The following RARB variants were observed in gnomAD, a reference collection of about 807,000 sequenced individuals.
RARB encodes the protein retinoic acid receptor beta.
Under a neutral mutation model 51.9 loss-of-function variants are expected in RARB, and 17 were observed. The ratio of observed to expected loss-of-function variants is 0.33; its 90% confidence interval spans 0.22 to 0.49. RARB has a LOEUF of 0.49. Ranked by LOEUF, RARB falls within the 20% of genes least tolerant of loss-of-function variation. The probability of loss-of-function intolerance (pLI) is 0.99; values close to 1 mark genes in which losing one functional copy is unlikely to be tolerated. For missense variants in RARB, 369 were observed against 550.8 expected, an observed-to-expected ratio of 0.67 and a Z score of 3.30; for synonymous variants, 215 against 195.4, an observed-to-expected ratio of 1.10 and a Z score of -0.84.
intron 2 of RARB, among the ~76,000 whole-genome samples, chr3:24,954,705 T>C (rs1695971196): frequency 2.0e-5 from 3 of 152,008 alleles, no homozygotes; most frequent in South Asian, 4.2e-4. Context: ...GATTTAGTAG[T>C]AGAATTTGGG....
chr3:24,887,735 G>T (rs1391755623), intron 2 of RARB, among the ~76,000 whole-genome samples: 2 of 152,020 alleles, frequency 1.3e-5, no homozygotes, highest in African/African-American at 4.8e-5. Context: ...TTTCCTTTCA[G>T]TATTTGCCTT....
chr3:25,176,370 C>A (rs182333104), intron 5 of RARB, among the ~76,000 whole-genome samples: 5 of 64,782 alleles, frequency 7.7e-5, no homozygotes, highest in African/African-American at 2.6e-4. Context: ...TCCTTCCTTC[C>A]TTCCTTCCTT....
intron 3 of RARB, among the ~76,000 whole-genome samples, chr3:25,081,763 G>T (rs1180956050): frequency 6.8e-6 from 1 of 147,200 alleles, no homozygotes; most frequent in Non-Finnish European, 1.5e-5. Context: ...CTCCTGAGTA[G>T]CTGGGATTAC....
rs929878535 is a variant in RARB, at chr3:25,302,541, C to A, written c.178+127966C>A. Among the ~76,000 whole-genome samples, 3 of 152,112 alleles carry A rather than the reference C, an allele frequency of 2.0e-5. No individual in the cohort carries two copies. In the South Asian group the frequency reaches 6.2e-4, roughly 32 times the overall value. On this transcript the variant is annotated intron_variant, in intron 5 of 11. Transcript: ENST00000383772. ...TATATTGTATGATCCCATTTAGATG[C>A]AATATTCAGAATAGGCTAATGTAAC...
chr3:25,115,394 G>A lies in RARB; in HGVS notation c.-327-16767G>A, dbSNP rs139825031. Reference sequence around the variant, plus strand: ...ACATCTATAACATTCAGTTAGAAAGGAACAGTAACAATTGGGTGAGTGTGT... The same window carrying A: ...ACATCTATAACATTCAGTTAGAAAGAAACAGTAACAATTGGGTGAGTGTGT... On this transcript the variant is annotated intron_variant, in intron 3 of 11. Transcript: ENST00000383772. Among the ~76,000 whole-genome samples the A allele has an allele frequency of 7.6e-4, 116 of 152,246 alleles. 1 individual carries two copies. Among genetic ancestry groups the A allele is most frequent in the Middle Eastern group, 3.4e-3 (1 of 294 alleles).
At chr3:24,997,798 G>A (rs1037360834) in intron 2 of RARB, among the ~76,000 whole-genome samples, 3 of 152,036 alleles carry the variant, frequency 2.0e-5, no homozygotes, top group Admixed American at 6.6e-5. Context: ...CTGTATATAC[G>A]TGTAAAAATG....
intron 2 of RARB, among the ~76,000 whole-genome samples, chr3:24,906,560 T>A (rs1694868151): frequency 6.6e-6 from 1 of 152,116 alleles, no homozygotes; most frequent in Non-Finnish European, 1.5e-5. Context: ...AAAGCTACGC[T>A]GGCTGGGAGT....
intron 5 of RARB, among the ~76,000 whole-genome samples, chr3:25,281,212 G>T (rs1467978577): frequency 6.6e-6 from 1 of 152,158 alleles, no homozygotes; most frequent in African/African-American, 2.4e-5. Flanking sequence ...CAAGAAATTT[G>T]GGAATGGAGC....
At chr3:25,429,432 A>T (rs540416870) in intron 1 of RARB, among the ~76,000 whole-genome samples, 1 of 152,316 alleles carries the variant, frequency 6.6e-6, no homozygotes, top group East Asian at 1.9e-4. Flanking sequence ...CACCAGTTCA[A>T]GCTGCCGCTT....
At chr3:25,233,949 T>C (rs1702244226) in intron 5 of RARB, among the ~76,000 whole-genome samples, 1 of 152,108 alleles carries the variant, frequency 6.6e-6, no homozygotes, top group South Asian at 2.1e-4. Flanking sequence ...GATATATTAT[T>C]CTTTTTACAT....
In RARB at chr3:24,923,460, G is replaced by A. The variant is rs755183728; in HGVS notation, c.-380+64708G>A. Among the ~76,000 whole-genome samples, 11 of 151,790 alleles carry A rather than the reference G, an allele frequency of 7.2e-5. 1 individual carries two copies. The South Asian group carries it at 1.5e-3, about 20-fold the overall frequency. On this transcript the variant is annotated intron_variant, in intron 2 of 11. Coordinates refer to the RARB transcript ENST00000383772. ...GAGATCTACCAATAATTATAGAATC[G>A]TTATTTTAAAACCTTATATAGGCAC...
intron 5 of RARB, among the ~76,000 whole-genome samples, chr3:25,302,391 A>T (rs1278168914): frequency 6.6e-6 from 1 of 152,214 alleles, no homozygotes; most frequent in East Asian, 1.9e-4. Flanking sequence ...GGATAAACAA[A>T]TGTGTTATAT....
At chr3:24,980,473 T>G (rs1463013182) in intron 2 of RARB, among the ~76,000 whole-genome samples, 1 of 152,170 alleles carries the variant, frequency 6.6e-6, no homozygotes, top group Non-Finnish European at 1.5e-5. Flanking sequence ...TTGTTTCTCT[T>G]CTTTCTCTAA....
chr3:25,025,976 A>G (rs1452289924), intron 2 of RARB, among the ~76,000 whole-genome samples: 2 of 152,188 alleles, frequency 1.3e-5, no homozygotes, highest in Non-Finnish European at 2.9e-5. Flanking sequence ...TCAACCTGAT[A>G]GTCTGCAATC....
chr3:25,446,716 T>C lies in RARB; in HGVS notation c.158-14477T>C, dbSNP rs534125562. 2.2e-5 allele frequency among the ~76,000 whole-genome samples: 3 copies of C among 134,482 alleles called. 1 individual carries two copies. The highest frequency in any genetic ancestry group is 1.9e-4 in the Admixed American group (2 of 10,538). The allele number at this position is 134,482 out of a possible 152,430, so 88.2% of individuals were successfully genotyped here. On this transcript the variant is annotated intron_variant, in intron 1 of 7. Coordinates refer to ENST00000330688, the MANE Select transcript of RARB (RefSeq NM_000965.5). ...TACTTGGGAGGCTGAGGCAGGAGAATAGCGTGAACCCGGGAGGCGGAGCTG... is the reference window on the plus strand; with the variant it reads ...TACTTGGGAGGCTGAGGCAGGAGAACAGCGTGAACCCGGGAGGCGGAGCTG...
intron 2 of RARB, among the ~76,000 whole-genome samples, chr3:25,021,454 A>T (rs931049581): frequency 1.3e-5 from 2 of 152,146 alleles, no homozygotes; most frequent in Non-Finnish European, 2.9e-5. Flanking sequence ...TAAAAGCCGT[A>T]AACTCACCAG....
In RARB at chr3:25,142,003, C is replaced by A. The variant is rs1349454126; in HGVS notation, c.-280+9795C>A. 2.0e-5 allele frequency among the ~76,000 whole-genome samples: 3 copies of A among 152,146 alleles called. No individual in the cohort carries two copies. In the East Asian group the frequency reaches 5.8e-4, roughly 29 times the overall value. On this transcript the variant is annotated intron_variant, in intron 4 of 11. Transcript: ENST00000383772. ...GTTATTCCAAGTGTAGTCCTAGGAC[C>A]AGCAGCATCAGTCTCACCTGAGAGC...
chr3:25,337,717 C>T (rs1248684177), intron 5 of RARB, among the ~76,000 whole-genome samples: 2 of 152,096 alleles, frequency 1.3e-5, no homozygotes, highest in African/African-American at 4.8e-5. Flanking sequence ...CACCTCTAAC[C>T]CTTTACCCTG....
chr3:25,104,944 G>A lies in RARB; in HGVS notation c.-327-27217G>A, dbSNP rs936977474. On this transcript the variant is annotated intron_variant, in intron 3 of 11. Coordinates refer to the RARB transcript ENST00000383772. Reference sequence around the variant, plus strand: ...CTGCAAGGGGAGCTCCTGTTTCTTCGTCATGTTCTATTTCTAAATCTGAAT... The same window carrying A: ...CTGCAAGGGGAGCTCCTGTTTCTTCATCATGTTCTATTTCTAAATCTGAAT... 1.2e-4 allele frequency among the ~76,000 whole-genome samples: 18 copies of A among 152,096 alleles called. 1 individual carries two copies. The highest frequency in any genetic ancestry group is 5.2e-4 in the Admixed American group (8 of 15,264).
Sources: allele counts gnomAD v4.1 joint callset (sites outside exome capture counted in the v4.1 genomes callset), GRCh38; gene constraint gnomAD v4.1.1; transcripts MANE v1.5; gene names NCBI Gene and HGNC (gene_info 2026-07-23, HGNC 2026-07-21).